THSD4: variants seen among roughly 807,000 people sequenced by gnomAD.
THSD4 encodes thrombospondin type 1 domain containing 4, also known as thrombospondin type-1 domain-containing protein 4.
THSD4 carries 69 observed loss-of-function variants against 119.0 expected under a neutral mutation model. The ratio of observed to expected loss-of-function variants is 0.58; its 90% confidence interval spans 0.48 to 0.71. THSD4 has a LOEUF of 0.71. THSD4 is among the 30% of genes least tolerant of loss of function. The pLI, the probability that THSD4 is intolerant of heterozygous loss-of-function variation, is 0.00. For missense variants in THSD4, 1,393 were observed against 1,391.1 expected, an observed-to-expected ratio of 1.00 and a Z score of -0.02; for synonymous variants, 524 against 540.4, an observed-to-expected ratio of 0.97 and a Z score of 0.42.
chr15:71,146,743 G>A (rs2040665924), intron 2 of THSD4, among the ~76,000 whole-genome samples: 1 of 152,192 alleles, frequency 6.6e-6, no homozygotes, highest in African/African-American at 2.4e-5. Flanking sequence ...GGAGCCATCT[G>A]AGTGGTAGGC....
chr15:71,609,248 A>G (rs932439563), intron 7 of THSD4, among the ~76,000 whole-genome samples: 7 of 152,252 alleles, frequency 4.6e-5, no homozygotes, highest in Admixed American at 1.3e-4. Context: ...ATGAATTCAT[A>G]CAAATTAGTT....
At chr15:71,513,767 C>T (rs1479178236) in intron 7 of THSD4, among the ~76,000 whole-genome samples, 1 of 152,152 alleles carries the variant, frequency 6.6e-6, no homozygotes, top group African/African-American at 2.4e-5. Context: ...TAGCTCAAAA[C>T]TGGAAACAAC....
intron 7 of THSD4, among the ~76,000 whole-genome samples, chr15:71,516,035 T>C (rs1339730535): frequency 6.6e-6 from 1 of 151,918 alleles, no homozygotes. Flanking sequence ...ATGCCAAGGG[T>C]TTTTGACCAA....
rs959434021 is a variant in THSD4 at position 71,567,608 on chromosome 15, A to C, written c.1153-92922A>C. Among the ~76,000 whole-genome samples the C allele has an allele frequency of 3.4e-3, 447 of 132,604 alleles. 5 individuals carry two copies. The highest frequency in any genetic ancestry group is 0.01 in the African/African-American group (359 of 35,628). 87.0% of individuals were successfully genotyped at this position (132,604 alleles called of 152,430 possible). A position where few individuals can be genotyped will look rare whatever the true frequency, so the allele number is the denominator to read the frequency against. Reference sequence around the variant, plus strand: ...CAAGAACAAAGACACCCCCCCACACACACACACACACACATGAAAGAGAGT... The same window carrying C: ...CAAGAACAAAGACACCCCCCCACACCCACACACACACACATGAAAGAGAGT... On this transcript the variant is annotated intron_variant, in intron 7 of 17. Transcript: ENST00000261862.
At chr15:71,329,409 C>G (rs1190398770) in intron 6 of THSD4, among the ~76,000 whole-genome samples, 1 of 152,152 alleles carries the variant, frequency 6.6e-6, no homozygotes, top group Non-Finnish European at 1.5e-5. Context: ...GTTGCCAGAC[C>G]TTTGAGTGAC....
intron 7 of THSD4, among the ~76,000 whole-genome samples, chr15:71,591,509 G>C (rs1031461046): frequency 3.9e-5 from 6 of 152,224 alleles, no homozygotes; most frequent in Non-Finnish European, 7.3e-5. Flanking sequence ...TAGAGGAGCA[G>C]ATCATCCCCT....
intron 6 of THSD4, among the ~76,000 whole-genome samples, chr15:71,378,092 A>C (rs1350335554): frequency 6.6e-6 from 1 of 152,132 alleles, no homozygotes; most frequent in Non-Finnish European, 1.5e-5. Context: ...ACTGCATCTA[A>C]GGGGATAGCA....
intron 14 of THSD4, among the ~76,000 whole-genome samples, chr15:71,751,552 A>G (rs887826584): frequency 2.6e-5 from 4 of 152,162 alleles, no homozygotes; most frequent in Non-Finnish European, 5.9e-5. Context: ...CTTAATTATT[A>G]TAAGCATAAA....
Position 71,736,002 on chromosome 15 carries a change from C to T in THSD4, c.1631-1730C>T, listed in dbSNP as rs948312601. ...TCTCTGTCTCTGTCCCTCTCTGTCTCTCTTGCTCTCTGTCTGTCTCTCTTC... is the reference window on the plus strand; with the variant it reads ...TCTCTGTCTCTGTCCCTCTCTGTCTTTCTTGCTCTCTGTCTGTCTCTCTTC... On this transcript the variant is annotated intron_variant, in intron 10 of 17. Transcript: ENST00000261862. Among the ~76,000 whole-genome samples the T allele has an allele frequency of 4.7e-5, 7 of 149,894 alleles. No individual in the cohort carries two copies. In the East Asian group the frequency reaches 1.2e-3, roughly 26 times the overall value.
intron 6 of THSD4, among the ~76,000 whole-genome samples, chr15:71,274,264 A>G (rs560665206): frequency 1.3e-5 from 2 of 152,238 alleles, no homozygotes; most frequent in Non-Finnish European, 2.9e-5. Flanking sequence ...CTGTCATTTC[A>G]TCATTCAGCT....
At chr15:71,516,450 C>T (rs28671129) in intron 7 of THSD4, among the ~76,000 whole-genome samples, 1 of 152,156 alleles carries the variant, frequency 6.6e-6, no homozygotes, top group African/African-American at 2.4e-5. Context: ...TACCTCCTTT[C>T]TCTTCTATGA....
intron 7 of THSD4, among the ~76,000 whole-genome samples, chr15:71,421,351 G>GCC (rs2046805007): frequency 8.4e-6 from 1 of 119,592 alleles, no homozygotes. Flanking sequence ...GTAGGATAGG[G>GCC]CTTGTGTTGA....
At chr15:71,376,866 C>G (rs557301674) in intron 6 of THSD4, among the ~76,000 whole-genome samples, 6 of 152,218 alleles carry the variant, frequency 3.9e-5, no homozygotes, top group Non-Finnish European at 8.8e-5. Flanking sequence ...TTGAGGGTCT[C>G]AATCCCCCAG....
chr15:71,221,914 T>TG, intron 4 of THSD4, among the ~76,000 whole-genome samples: 1 of 150,566 alleles, frequency 6.6e-6, no homozygotes, highest in African/African-American at 2.5e-5. Flanking sequence ...TGTTATTTTC[T>TG]GTTTTTTTTT....
chr15:71,748,327 G>A (rs1385727342), intron 13 of THSD4, 94 bp from the exon 14 acceptor site: 12 of 1,481,914 alleles, frequency 8.1e-6, no homozygotes, highest in Non-Finnish European at 1.0e-5. Flanking sequence ...TCAGTCTCAT[G>A]GGGCTGATCA....
intron 7 of THSD4, among the ~76,000 whole-genome samples, chr15:71,527,776 A>T (rs2048547189): frequency 1.5e-5 from 2 of 137,464 alleles, no homozygotes; most frequent in South Asian, 4.6e-4. Context: ...GCAGTGGCAC[A>T]ATCATGGCTC....
chr15:71,470,856 T>C lies in THSD4; in HGVS notation c.1152+59033T>C, dbSNP rs1017945854. On this transcript the variant is annotated intron_variant, in intron 7 of 17. Transcript: ENST00000261862. The stretch of plus-strand genomic sequence containing the variant: ...TTCACCTTGTTAGCCAGGATGGTCT[T>C]GATCTCCTGACCTCATGATCCACCC... Among the ~76,000 whole-genome samples the C allele has an allele frequency of 7.2e-5, 11 of 151,922 alleles. No individual in the cohort carries two copies. In the South Asian group the frequency reaches 1.5e-3, roughly 20 times the overall value.
chr15:71,499,388 GCCACATAGGATA>G (rs1180979528), intron 7 of THSD4, among the ~76,000 whole-genome samples: 1 of 151,650 alleles, frequency 6.6e-6, no homozygotes, highest in African/African-American at 2.4e-5. Context: ...TTTTTGCCAT[GCCACATAGGATA>G]CCATGTACTA....
chr15:71,481,643 C>T (rs1297829584), intron 7 of THSD4, among the ~76,000 whole-genome samples: 1 of 151,434 alleles, frequency 6.6e-6, no homozygotes, highest in East Asian at 1.9e-4. Flanking sequence ...CCTCTTTCCC[C>T]TTTTCATTTG....
Sources: allele counts gnomAD v4.1 joint callset (sites outside exome capture counted in the v4.1 genomes callset), GRCh38; gene constraint gnomAD v4.1.1; transcripts MANE v1.5; gene names NCBI Gene and HGNC (gene_info 2026-07-23, HGNC 2026-07-21).